The following PIGN variants were observed in gnomAD, a reference collection of about 807,000 sequenced individuals.
The protein encoded by PIGN is GPI ethanolamine phosphate transferase 1.
PIGN carries 117 observed loss-of-function variants against 125.4 expected under a neutral mutation model. The observed-to-expected ratio is 0.93, with a 90% CI of 0.80 to 1.09. The LOEUF (loss-of-function observed/expected upper bound fraction) is 1.09. Ranked by LOEUF, PIGN falls within the 50% of genes least tolerant of loss-of-function variation. The pLI is 0.00. For synonymous variants in PIGN, 392 were observed against 377.8 expected, an observed-to-expected ratio of 1.04 and a Z score of -0.44; for missense variants, 1,075 against 1,094.9, an observed-to-expected ratio of 0.98 and a Z score of 0.26.
chr18:62,112,946 C>A, intron 16 of PIGN, 188 bp downstream of exon 16: 1 of 536,098 alleles, frequency 1.9e-6, no homozygotes, highest in Non-Finnish European at 3.3e-6. Flanking sequence ...TCATTATTAT[C>A]AATATATCTT....
At chr18:62,049,235 G>T (rs1394940904) in intron 30 of PIGN, among the ~76,000 whole-genome samples, 2 of 152,256 alleles carry the variant, frequency 1.3e-5, no homozygotes, top group Middle Eastern at 3.4e-3. Context: ...GGATGGCTGG[G>T]TCAAATGGTA....
At chr18:62,112,389 A>G (rs1459690375) in intron 16 of PIGN, among the ~76,000 whole-genome samples, 1 of 152,196 alleles carries the variant, frequency 6.6e-6, no homozygotes, top group African/African-American at 2.4e-5. Context: ...GAACATGGTA[A>G]TAATCATTAA....
At chr18:62,093,459 G>A (rs1363723712) in intron 23 of PIGN, among the ~76,000 whole-genome samples, 1 of 152,034 alleles carries the variant, frequency 6.6e-6, no homozygotes, top group South Asian at 2.1e-4. Context: ...ATTAGGATCT[G>A]CTGGTTTGGT....
chr18:62,097,569 A>G (rs2034262687), intron 22 of PIGN, among the ~76,000 whole-genome samples: 1 of 151,972 alleles, frequency 6.6e-6, no homozygotes, highest in South Asian at 2.1e-4. Context: ...CCATCCCATT[A>G]CTGGGTATAT....
chr18:62,109,245 T>C (rs763623321), intron 17 of PIGN, among the ~76,000 whole-genome samples: 1 of 152,206 alleles, frequency 6.6e-6, no homozygotes, highest in Non-Finnish European at 1.5e-5. Flanking sequence ...ACTTCTAATG[T>C]TTTCTACAAT....
chr18:62,152,496 G>A (rs2036573561), intron 7 of PIGN, among the ~76,000 whole-genome samples: 1 of 152,022 alleles, frequency 6.6e-6, no homozygotes, highest in African/African-American at 2.4e-5. Flanking sequence ...TAGTTGGGGG[G>A]TTGGGGGAGA....
chr18:62,057,170 C>T (rs1002736061), intron 30 of PIGN, among the ~76,000 whole-genome samples: 1 of 152,082 alleles, frequency 6.6e-6, no homozygotes, highest in Non-Finnish European at 1.5e-5. Context: ...TATCCTTTAC[C>T]ACACAAATGT....
intron 1 of PIGN, among the ~76,000 whole-genome samples, chr18:62,182,687 CT>C (rs2037759441): frequency 6.6e-6 from 1 of 152,148 alleles, no homozygotes; most frequent in Non-Finnish European, 1.5e-5. Flanking sequence ...ACTTGCTTTT[CT>C]TTTTTCAAAA....
chr18:62,018,720 A>G (rs531402541), intron 23 of PIGN, among the ~76,000 whole-genome samples: 67 of 152,302 alleles, frequency 4.4e-4, no homozygotes, highest in African/African-American at 1.6e-3. Context: ...GGCCTCCCAG[A>G]CTGTGGGTGG....
At chr18:62,185,703 T>C (rs978791481) in intron 1 of PIGN, among the ~76,000 whole-genome samples, 1 of 31,820 alleles carries the variant, frequency 3.1e-5, no homozygotes, top group Admixed American at 4.6e-4. Context: ...CCTGGAAAAG[T>C]GGTCATTTGT....
rs765907979 is a variant in PIGN, at chr18:62,106,826, G to C, written c.1730C>G (p.Ala577Gly). 4.4e-6 allele frequency: 7 copies of C among 1,609,046 alleles called. No individual in the cohort carries two copies. The highest frequency in any genetic ancestry group is 1.7e-4 in the Middle Eastern group (1 of 6,056). Residue 577 changes from alanine to glycine, a missense_variant, in exon 19 of 31, where the codon GCT (alanine) becomes GGT (glycine). Ala to Gly is a moderately conservative substitution (Grantham distance 60, BLOSUM62 0). Coordinates refer to ENST00000640252, the MANE Select transcript of PIGN (RefSeq NM_176787.5). Reference sequence around the variant, plus strand: ...CCACAGCCGAGTGAGAAATGGCCAAGCTGCAAAGGCAGTAAGTCCAGCGGT... The same window carrying C: ...CCACAGCCGAGTGAGAAATGGCCAACCTGCAAAGGCAGTAAGTCCAGCGGT... ...MLTAGLTAFA[A>G]WPFLTRLWTR... is the part of the protein sequence containing the mutation.
chr18:62,099,919 G>C (rs1469007987), intron 22 of PIGN, among the ~76,000 whole-genome samples: 4 of 151,874 alleles, frequency 2.6e-5, no homozygotes, highest in Non-Finnish European at 4.4e-5. Flanking sequence ...AGACATTTTG[G>C]GTAAGACCTC....
chr18:62,172,770 A>C (rs1223704932), intron 1 of PIGN, among the ~76,000 whole-genome samples: 5 of 152,230 alleles, frequency 3.3e-5, no homozygotes, highest in Admixed American at 2.6e-4. Flanking sequence ...TGAAGTAACA[A>C]AACATTTTAT....
At chr18:62,114,415 C>T (rs2035007856) in intron 15 of PIGN, 146 bp downstream of exon 15, 11 of 576,330 alleles carry the variant, frequency 1.9e-5, no homozygotes, top group Non-Finnish European at 3.1e-5. Context: ...GAGATCTGTC[C>T]ACTGCTAAAG....
intron 22 of PIGN, among the ~76,000 whole-genome samples, chr18:62,099,152 C>T (rs868019231): frequency 6.6e-6 from 1 of 151,880 alleles, no homozygotes; most frequent in African/African-American, 2.4e-5. Context: ...AAAAAATTGT[C>T]GAATTGGCAT....
chr18:62,029,034 G>A (rs1318980795), intron 23 of PIGN, among the ~76,000 whole-genome samples: 2 of 152,188 alleles, frequency 1.3e-5, no homozygotes, highest in Non-Finnish European at 2.9e-5. Flanking sequence ...ACAAGCCACT[G>A]GACTGCGGAC....
chr18:62,183,925 C>T (rs1057409772), intron 1 of PIGN, among the ~76,000 whole-genome samples: 4 of 151,742 alleles, frequency 2.6e-5, no homozygotes, highest in Non-Finnish European at 2.9e-5. Context: ...AAAATATCAG[C>T]ATTCACTAAC....
intron 28 of PIGN, among the ~76,000 whole-genome samples, chr18:62,079,186 G>A (rs1326133531): frequency 1.3e-5 from 2 of 152,192 alleles, no homozygotes; most frequent in Non-Finnish European, 2.9e-5. Flanking sequence ...TGTGAGTAAA[G>A]ACCATATTAA....
At chr18:62,125,419 C>G (rs949576144) in intron 14 of PIGN, among the ~76,000 whole-genome samples, 5 of 151,972 alleles carry the variant, frequency 3.3e-5, no homozygotes, top group African/African-American at 1.2e-4. Flanking sequence ...CATAGTCTTT[C>G]TAGTAGACAT....
Sources: gnomAD v4.1 joint callset for allele counts (sites outside exome capture counted in the v4.1 genomes callset) on GRCh38, gnomAD v4.1.1 for gene constraint, MANE v1.5 for transcripts, NCBI Gene and HGNC (gene_info 2026-07-23, HGNC 2026-07-21) for gene names.